DSCAM: variants seen among roughly 807,000 people sequenced by gnomAD.
DSCAM encodes the protein DS cell adhesion molecule.
In DSCAM, 47 loss-of-function variants were observed where a neutral mutation model predicts 217.7. The ratio of observed to expected loss-of-function variants is 0.22; its 90% CI spans 0.17 to 0.28. The LOEUF (loss-of-function observed/expected upper bound fraction) is 0.28, where lower values mean the gene tolerates loss of function less well. Ranked by LOEUF, DSCAM falls within the 10% of genes least tolerant of loss-of-function variation. The probability of loss-of-function intolerance (pLI) is 1.00; values close to 1 mark genes in which losing one functional copy is unlikely to be tolerated. For synonymous variants in DSCAM, 1,056 were observed against 1,015.3 expected, an observed-to-expected ratio of 1.04 and a Z score of -0.76; for missense variants, 2,080 against 2,618.3, an observed-to-expected ratio of 0.79 and a Z score of 4.49.
Position 40,138,833 on chromosome 21 carries a change from T to G in DSCAM, c.3406+3725A>C, listed in dbSNP as rs367989004. ...GTGTGTGTACGTGTGGTGTGGTGTGTGGTGTATGTGGGGTGTATGTGTGGT... is the reference window on the plus strand; with the variant it reads ...GTGTGTGTACGTGTGGTGTGGTGTGGGGTGTATGTGGGGTGTATGTGTGGT... On this transcript the variant is annotated intron_variant, in intron 18 of 32. Transcript: ENST00000400454. Among the ~76,000 whole-genome samples, 41 of 147,326 alleles carry G rather than the reference T, an allele frequency of 2.8e-4. 1 individual carries two copies. In the South Asian group the frequency reaches 7.6e-3, roughly 27 times the overall value.
intron 4 of DSCAM, among the ~76,000 whole-genome samples, chr21:40,360,121 GTC>G (rs768390169): frequency 0.49 from 39,950 of 80,758 alleles, 15,042 homozygotes; most frequent in South Asian, 0.67. Context: ...TTCATAGGTA[GTC>G]TTTTTTTTTT....
In DSCAM at chr21:40,338,338, T is replaced by C. The variant is rs1310976747; in HGVS notation, c.1546A>G (p.Ile516Val). ...SIRPMKNITA[I>V]AGRDTYIHCR... is the part of the protein sequence containing the mutation. The stretch of plus-strand genomic sequence containing the variant: ...TGAATGTATGTGTCCCGTCCTGCTA[T>C]TGCTGTGATGTTTTTCATTGGTCGA... The change falls in exon 8 of 33, where the codon ATA (isoleucine) becomes GTA (valine). Residue 516 changes from isoleucine (I) to valine (V), a missense_variant. Around this residue, in one of 5 missense-constraint regions of DSCAM, gnomAD observed 568 missense variants for 678.1 expected, o/e 0.84. Transcript: ENST00000400454. 1.2e-6 allele frequency: 2 copies of C among 1,613,990 alleles called. No individual in the cohort carries two copies. The highest frequency in any genetic ancestry group is 2.2e-5 in the East Asian group (1 of 44,890).
intron 3 of DSCAM, among the ~76,000 whole-genome samples, chr21:40,652,250 C>A (rs564701370): frequency 6.6e-6 from 1 of 151,720 alleles, no homozygotes; most frequent in Non-Finnish European, 1.5e-5. Flanking sequence ...GGCAAACCAC[C>A]GTGGTACCTG....
intron 11 of DSCAM, among the ~76,000 whole-genome samples, chr21:40,223,611 C>A (rs1171853848): frequency 6.6e-6 from 1 of 152,126 alleles, no homozygotes; most frequent in Non-Finnish European, 1.5e-5. Flanking sequence ...TCAGACACAT[C>A]CATGTATCTA....
chr21:40,797,395 G>C (rs552431043), intron 1 of DSCAM, among the ~76,000 whole-genome samples: 142 of 152,288 alleles, frequency 9.3e-4, no homozygotes, highest in African/African-American at 3.4e-3. Context: ...CATCCAAGAA[G>C]TAATGGAAAT....
In DSCAM at chr21:40,613,217, G is replaced by A. The variant is rs187588411; in HGVS notation, c.508+79593C>T. 1.3e-3 allele frequency among the ~76,000 whole-genome samples: 195 copies of A among 152,294 alleles called. 3 individuals are homozygous for A. The South Asian group carries it at 0.022, about 17-fold the overall frequency. ...CTCACCTCATTGTAGCTAATTAAAA[G>A]TCACTAAAATGTTTTAAATAGGAAC... On this transcript the variant is annotated intron_variant, in intron 3 of 32. Coordinates refer to ENST00000400454, the MANE Select transcript of DSCAM (RefSeq NM_001389.5).
intron 11 of DSCAM, 117 bp downstream of exon 11, chr21:40,275,980 A>G (rs2073681065): frequency 3.6e-6 from 4 of 1,107,366 alleles, no homozygotes; most frequent in Non-Finnish European, 4.9e-6. Context: ...ATATCACACC[A>G]ACGGGTCTTC....
chr21:40,074,889 G>C (rs2089341998), intron 27 of DSCAM, 148 bp downstream of exon 27: 1 of 740,026 alleles, frequency 1.4e-6, no homozygotes, highest in Admixed American at 2.9e-5. Context: ...CTCGCTGAAG[G>C]AATGTCAGAG....
intron 11 of DSCAM, among the ~76,000 whole-genome samples, chr21:40,202,387 A>G (rs766989248): frequency 4.6e-5 from 7 of 152,200 alleles, no homozygotes; most frequent in Non-Finnish European, 1.0e-4. Flanking sequence ...TTAGCACTCA[A>G]TGGGGTGGTG....
chr21:40,764,372 G>A (rs2091366714), intron 1 of DSCAM, among the ~76,000 whole-genome samples: 1 of 151,368 alleles, frequency 6.6e-6, no homozygotes, highest in South Asian at 2.1e-4. Context: ...CTGGTCATTA[G>A]AGAAATGCAA....
chr21:40,487,326 T>A (rs7280774), intron 3 of DSCAM, among the ~76,000 whole-genome samples: 22,108 of 72,260 alleles, frequency 0.31, 1,807 homozygotes, highest in Admixed American at 0.35. Flanking sequence ...TGTGTGTGTG[T>A]GAGAGAGAGA....
At chr21:40,741,496 A>G (rs2223006) in intron 1 of DSCAM, among the ~76,000 whole-genome samples, 118,679 of 152,004 alleles carry the variant, frequency 0.78, 46,475 homozygotes, top group Admixed American at 0.82. Flanking sequence ...CATACCAACA[A>G]CATCAGCCTT....
At chr21:40,447,179 T>C (rs998686368) in intron 3 of DSCAM, among the ~76,000 whole-genome samples, 89 of 152,116 alleles carry the variant, frequency 5.9e-4, no homozygotes, top group African/African-American at 2.1e-3. Context: ...CAGGCTAAGG[T>C]TGGGCATGTA....
At chr21:40,110,788 T>G (rs575673789) in intron 20 of DSCAM, among the ~76,000 whole-genome samples, 1 of 152,306 alleles carries the variant, frequency 6.6e-6, no homozygotes, top group South Asian at 2.1e-4. Flanking sequence ...CAGTAGCTGA[T>G]TCAATCAACT....
chr21:40,835,572 G>A (rs1400814447), intron 1 of DSCAM, among the ~76,000 whole-genome samples: 10 of 152,064 alleles, frequency 6.6e-5, no homozygotes, highest in Admixed American at 2.0e-4. Flanking sequence ...ATTTCAAAAC[G>A]GCCACTCAAA....
intron 9 of DSCAM, among the ~76,000 whole-genome samples, chr21:40,301,804 T>C (rs2074019438): frequency 6.6e-6 from 1 of 152,174 alleles, no homozygotes; most frequent in African/African-American, 2.4e-5. Context: ...TTTTATAGAC[T>C]AGGGAAACGG....
chr21:40,418,856 A>C (rs2075396371), intron 3 of DSCAM, among the ~76,000 whole-genome samples: 3 of 152,226 alleles, frequency 2.0e-5, no homozygotes, highest in African/African-American at 7.2e-5. Context: ...ATTTAGAGAA[A>C]AAAAACCCCT....
At chr21:40,659,596 T>C (rs11088525) in intron 3 of DSCAM, among the ~76,000 whole-genome samples, 52,601 of 152,062 alleles carry the variant, frequency 0.35, 10,538 homozygotes, top group Non-Finnish European at 0.45. Context: ...TCTATCTGCC[T>C]TTCTACCATC....
chr21:40,293,544 A>G (rs1601524422), intron 10 of DSCAM, among the ~76,000 whole-genome samples: 1 of 152,018 alleles, frequency 6.6e-6, no homozygotes, highest in Middle Eastern at 3.4e-3. Context: ...AATCTTAACT[A>G]AAGTAATTAG....
Sources: gnomAD v4.1 joint callset for allele counts (sites outside exome capture counted in the v4.1 genomes callset) on GRCh38, gnomAD v4.1.1 for gene constraint, gnomAD v4.1.1 regional missense constraint, MANE v1.5 for transcripts, NCBI Gene and HGNC (gene_info 2026-07-23, HGNC 2026-07-21) for gene names.